The following FUT2 variants were observed in gnomAD, a reference collection of about 807,000 sequenced individuals.
The protein encoded by FUT2 is galactoside alpha-(1,2)-fucosyltransferase 2.
For synonymous variants in FUT2, 182 were observed against 193.1 expected (o/e 0.94, Z 0.48); for missense variants, 419 against 465.8 (o/e 0.90, Z 0.93).
rs2032549203 is a variant in FUT2, at chr19:48,703,125, C to T, written c.169C>T (p.Pro57Ser). Residue 57 changes from proline to serine, a missense_variant, in exon 2 of 2, where the codon CCC (proline) becomes TCC (serine). Transcript: ENST00000425340. ...AGCCTCAACATCAAAGGCACTGGGA[C>T]CCAGCCAGCTCAGGGGGATGTGGAC... is the stretch of plus-strand genomic sequence containing the variant. Reference protein sequence around the residue: ...VLASTSKALGPSQLRGMWTIN... With the variant: ...VLASTSKALGSSQLRGMWTIN... The T allele has an allele frequency of 6.2e-7, 1 of 1,613,492 alleles. No individual in the cohort carries two copies. Among genetic ancestry groups the T allele is most frequent in the Admixed American group, 1.7e-5 (1 of 59,994 alleles).
chr19:48,700,611 G>A (rs913101736), intron 1 of FUT2, among the ~76,000 whole-genome samples: 5 of 152,004 alleles, frequency 3.3e-5, no homozygotes, highest in African/African-American at 7.2e-5. Context: ...GATTACAGGC[G>A]TGAGCCACCG....
At position 48,703,847 on chromosome 19, in the gene FUT2, C is replaced by A. The variant is rs555917810; in HGVS notation, c.891C>A (p.Tyr297Ter). 2.1e-5 allele frequency: 34 copies of A among 1,613,664 alleles called. 2 individuals carry two copies. In the South Asian group the frequency reaches 3.6e-4, roughly 17 times the overall value. ...GGACGTTCGGGATCTGGGCCGCATA[C>A]CTCACGGGCGGAGACACCATCTACC... ...TIGTFGIWAA[Y>*]LTGGDTIYLA... Residue 297 changes from tyrosine to a stop codon, truncating the protein, a stop_gained, in exon 2 of 2, where the codon TAC becomes TAA. Coordinates refer to ENST00000425340, the MANE Select transcript of FUT2 (RefSeq NM_000511.6). LOFTEE classifies it high-confidence loss of function.
rs370354362 is a variant in FUT2, at chr19:48,703,228, G to A, written c.272G>A (p.Arg91Gln). The A allele has an allele frequency of 8.7e-6, 14 of 1,613,046 alleles. No homozygotes were observed. The highest frequency in any genetic ancestry group is 2.2e-5 in the East Asian group (1 of 44,864). ...TACGCCCTGGCCAAGATGAACGGGC[G>A]GCCCGCCTTCATCCCGGCCCAGATG... is the stretch of plus-strand genomic sequence containing the variant. ...TLYALAKMNG[R>Q]PAFIPAQMHS... Residue 91 changes from arginine to glutamine, a missense_variant, in exon 2 of 2, where the codon CGG (arginine) becomes CAG (glutamine). Coordinates refer to ENST00000425340, the MANE Select transcript of FUT2 (RefSeq NM_000511.6).
chr19:48,696,238 G>T (rs1038048275), intron 1 of FUT2, 149 bp downstream of exon 1: 1 of 152,298 alleles, frequency 6.6e-6, no homozygotes, highest in Non-Finnish European at 1.5e-5. Context: ...CTCCAGGAGA[G>T]GAGGGTCCCT....
rs1186356262 is a variant in FUT2 at position 48,704,462 on chromosome 19, G to A, written c.*474G>A. On this transcript the variant is annotated 3_prime_UTR_variant, in exon 2 of 2. Transcript: ENST00000425340. Reference sequence around the variant, plus strand: ...AAAAAGAAAAGAAAAAGAAATGAATGGGTTCAAAGACCATAATCATGCATA... The same window carrying A: ...AAAAAGAAAAGAAAAAGAAATGAATAGGTTCAAAGACCATAATCATGCATA... 2.3e-5 allele frequency: 9 copies of A among 385,826 alleles called. No individual in the cohort carries two copies. Among genetic ancestry groups the A allele is most frequent in the South Asian group, 7.7e-5 (1 of 12,952 alleles). 23.9% of individuals were successfully genotyped at this position (385,826 alleles called of 1,614,324 possible).
rs780285648 is a variant in FUT2, at chr19:48,703,111, C to T, written c.155C>T (p.Ser52Leu). The change falls in exon 2 of 2, where the codon TCA (serine) becomes TTA (leucine). Residue 52 changes from serine (S) to leucine (L), a missense_variant. Physicochemically the swap from Ser to Leu is moderately radical, Grantham distance 145. Coordinates refer to ENST00000425340, the MANE Select transcript of FUT2 (RefSeq NM_000511.6). ...PVQIPVLAST[S>L]KALGPSQLRG... ...CAGATACCAGTGCTAGCCTCAACATCAAAGGCACTGGGACCCAGCCAGCTC... is the reference window on the plus strand; with the variant it reads ...CAGATACCAGTGCTAGCCTCAACATTAAAGGCACTGGGACCCAGCCAGCTC... 4.3e-6 allele frequency: 7 copies of T among 1,613,368 alleles called. No homozygotes were observed. Among genetic ancestry groups the T allele is most frequent in the Non-Finnish European group, 5.9e-6 (7 of 1,180,032 alleles).
At chr19:48,696,468 CG>C (rs2032412736) in intron 1 of FUT2, 1 of 152,272 alleles carries the variant, frequency 6.6e-6, no homozygotes, top group Non-Finnish European at 1.5e-5. Flanking sequence ...GGTGGTGACC[CG>C]ACTTTCCTGC....
rs187897549 is a variant in FUT2, at chr19:48,703,527, C to A, written c.571C>A (p.Arg191=). 3 of 1,613,172 alleles carry A rather than the reference C, an allele frequency of 1.9e-6. No individual in the cohort carries two copies. The African/African-American group carries it at 4.0e-5, about 21-fold the overall frequency. Residue 191 remains arginine (R), a synonymous_variant, in exon 2 of 2, where the codon CGG becomes AGG. Coordinates refer to ENST00000425340, the MANE Select transcript of FUT2 (RefSeq NM_000511.6). ...GCGGGGCCTGCAGGTGAACGGGAGC[C>A]GGCCGGGCACCTTTGTAGGGGTCCA... ...FLRGLQVNGS[R]PGTFVGVHVR...
chr19:48,699,916 G>T (rs956275146), intron 1 of FUT2, among the ~76,000 whole-genome samples: 12 of 151,932 alleles, frequency 7.9e-5, no homozygotes, highest in African/African-American at 2.7e-4. Flanking sequence ...CACTTTGGGA[G>T]GCTGAGGTGG....
intron 1 of FUT2, among the ~76,000 whole-genome samples, chr19:48,697,846 C>T (rs1394687380): frequency 6.6e-6 from 1 of 151,948 alleles, no homozygotes; most frequent in Non-Finnish European, 1.5e-5. Context: ...AGTCATGAGC[C>T]ACCATGCCTG....
chr19:48,700,565 T>A (rs984204997), intron 1 of FUT2, among the ~76,000 whole-genome samples: 2 of 151,978 alleles, frequency 1.3e-5, no homozygotes, highest in Non-Finnish European at 2.9e-5. Context: ...TCTCCTGACC[T>A]CATGATCCGC....
chr19:48,699,202 G>A (rs1007804966), intron 1 of FUT2, among the ~76,000 whole-genome samples: 1 of 151,522 alleles, frequency 6.6e-6, no homozygotes, highest in African/African-American at 2.4e-5. Flanking sequence ...TTTTTGTTTT[G>A]TTTTGTTTTT....
rs929021701 is a variant in FUT2 at position 48,704,681 on chromosome 19, A to G, written c.*693A>G. ...ATAATTCCTTTCAAAAACAGCAGAA[A>G]GAGGCTCGTTCTTGTCTTGGTCCCT... On this transcript the variant is annotated 3_prime_UTR_variant, in exon 2 of 2. Transcript: ENST00000425340. 142 of 414,214 alleles carry G rather than the reference A, an allele frequency of 3.4e-4. No individual in the cohort carries two copies. The highest frequency in any genetic ancestry group is 5.7e-4 in the Non-Finnish European group (130 of 226,826). The allele number at this position is 414,214 out of a possible 1,614,324, so 25.7% of individuals were successfully genotyped here. A position where few individuals can be genotyped will look rare whatever the true frequency, so the allele number is the denominator to read the frequency against.
In FUT2 at chr19:48,702,935, C is replaced by G. The variant is rs753405388; in HGVS notation, c.-2-20C>G. ...GCCTCCATCTCCCAGCTAACGTGTC[C>G]CGTTTTCCTCCCCTGACAGCCATGC... On this transcript the variant is annotated intron_variant, in intron 1 of 1. Transcript: ENST00000425340. 20 of 1,612,564 alleles carry G rather than the reference C, an allele frequency of 1.2e-5. No individual in the cohort carries two copies. Among genetic ancestry groups the G allele is most frequent in the Non-Finnish European group, 1.7e-5 (20 of 1,179,874 alleles).
intron 1 of FUT2, among the ~76,000 whole-genome samples, chr19:48,701,407 G>A (rs958425804): frequency 6.6e-6 from 1 of 151,910 alleles, no homozygotes; most frequent in Non-Finnish European, 1.5e-5. Flanking sequence ...TCCAGCTCCT[G>A]ACCTCAGCTA....
chr19:48,696,595 T>C (rs1254383924), intron 1 of FUT2: 1 of 152,124 alleles, frequency 6.6e-6, no homozygotes, highest in Non-Finnish European at 1.5e-5. Context: ...CTAATCCCGC[T>C]CTGAATCACC....
At chr19:48,702,524 A>G (rs763987395) in intron 1 of FUT2, among the ~76,000 whole-genome samples, 35 of 152,046 alleles carry the variant, frequency 2.3e-4, no homozygotes, top group Non-Finnish European at 4.3e-4. Flanking sequence ...TGTGTTCACA[A>G]TCACCTAGAT....
intron 1 of FUT2, among the ~76,000 whole-genome samples, chr19:48,700,668 A>G (rs1298665535): frequency 6.6e-6 from 1 of 152,014 alleles, no homozygotes; most frequent in African/African-American, 2.4e-5. Flanking sequence ...CACGGTCCCA[A>G]AAGGGCTGCT....
At position 48,705,544 on chromosome 19, in the gene FUT2, G is replaced by A. The variant is rs1488032870; in HGVS notation, c.*1556G>A. On this transcript the variant is annotated 3_prime_UTR_variant, in exon 2 of 2. Transcript: ENST00000425340. ...TGCCTCTTCAATCCTGGCTTTCTAG[G>A]GCCTGGGATGATCATTGCTAGAACT... is the stretch of plus-strand genomic sequence containing the variant. 1 of 167,116 alleles carries A rather than the reference G, an allele frequency of 6.0e-6. No individual in the cohort carries two copies. Among genetic ancestry groups the A allele is most frequent in the African/African-American group, 2.4e-5 (1 of 41,418 alleles). 10.4% of individuals were successfully genotyped at this position (167,116 alleles called of 1,614,324 possible). A position where few individuals can be genotyped will look rare whatever the true frequency, so the allele number is the denominator to read the frequency against.
Sources: allele counts gnomAD v4.1 joint callset (sites outside exome capture counted in the v4.1 genomes callset), GRCh38; gene constraint gnomAD v4.1.1; transcripts MANE v1.5; gene names NCBI Gene and HGNC (gene_info 2026-07-23, HGNC 2026-07-21).